Variants in FN3K observed in about 807,000 individuals in gnomAD.
FN3K encodes the protein fructosamine 3 kinase, also known as fructosamine-3-kinase.
In FN3K, 24 loss-of-function variants were observed where a neutral mutation model predicts 24.8. The ratio of observed to expected loss-of-function variants is 0.97; its 90% CI spans 0.70 to 1.36. The LOEUF (loss-of-function observed/expected upper bound fraction) is 1.36. Ranked by LOEUF, FN3K falls within the 40% of genes most tolerant of loss-of-function variation. The pLI, the probability that FN3K is intolerant of heterozygous loss-of-function variation, is 0.00. For synonymous variants in FN3K, 192 were observed against 175.2 expected (o/e 1.10, Z -0.76); for missense variants, 449 against 416.7 (o/e 1.08, Z -0.67).
chr17:82,749,120 CG>C (rs778551687), intron 5 of FN3K, 143 bp downstream of exon 5: 209 of 1,256,926 alleles, frequency 1.7e-4, no homozygotes, highest in African/African-American at 3.4e-4. Context: ...GGGGCAGGGG[CG>C]GGGGTTCCCC....
chr17:82,744,147 G>C (rs548231579), intron 4 of FN3K, among the ~76,000 whole-genome samples: 1 of 152,266 alleles, frequency 6.6e-6, no homozygotes, highest in African/African-American at 2.4e-5. Flanking sequence ...CACAGCACCA[G>C]AGGGTGAGCC....
chr17:82,749,743 A>G (rs534193659), intron 5 of FN3K: 1 of 160,398 alleles, frequency 6.2e-6, no homozygotes, highest in African/African-American at 2.4e-5. Flanking sequence ...GTATACATCA[A>G]AGAGACTTGA....
rs1452649023 is a variant in FN3K at position 82,750,525 on chromosome 17, G to T, written c.700G>T (p.Asp234Tyr). Reference protein sequence around the residue: ...AEDDVGPIIYDPASFYGHSEF... With the variant: ...AEDDVGPIIYYPASFYGHSEF... ...GGACGACGTGGGGCCCATTATTTAC[G>T]ACCCGGCTTCCTTCTATGGCCATTC... Residue 234 changes from aspartate to tyrosine, a missense_variant, in exon 6 of 6, where the codon GAC (aspartate) becomes TAC (tyrosine). Physicochemically the swap from Asp to Tyr is radical, Grantham distance 160 (BLOSUM62 -3). Transcript: ENST00000300784. The T allele has an allele frequency of 1.2e-6, 2 of 1,614,118 alleles. No homozygotes were observed. The highest frequency in any genetic ancestry group is 1.7e-5 in the Admixed American group (1 of 60,018).
At position 82,735,687 on chromosome 17, in the gene FN3K, C is replaced by A. The variant is rs1236329016; in HGVS notation, c.51C>A (p.Phe17Leu). 2 of 1,541,694 alleles carry A rather than the reference C, an allele frequency of 1.3e-6. No individual in the cohort carries two copies. The highest frequency in any genetic ancestry group is 1.7e-6 in the Non-Finnish European group (2 of 1,146,750). The change falls in exon 1 of 6, where the codon TTC becomes TTA. Residue 17 changes from phenylalanine (F) to leucine (L), a missense_variant. Coordinates refer to ENST00000300784, the MANE Select transcript of FN3K (RefSeq NM_022158.4). ...TGCGCACCGCGACCCTGCGGGCCTTCGGCGGCCCCGGCGCCGGCTGCATCA... is the reference window on the plus strand; with the variant it reads ...TGCGCACCGCGACCCTGCGGGCCTTAGGCGGCCCCGGCGCCGGCTGCATCA... Reference protein sequence around the residue: ...AELRTATLRAFGGPGAGCISE... With the variant: ...AELRTATLRALGGPGAGCISE...
intron 1 of FN3K, 83 bp downstream of exon 1, chr17:82,735,860 C>G: frequency 6.8e-7 from 1 of 1,481,074 alleles, no homozygotes; most frequent in Non-Finnish European, 9.1e-7. Flanking sequence ...GGCGCATTTC[C>G]TGGGGCTGGG....
intron 1 of FN3K, 173 bp from the exon 2 acceptor site, chr17:82,738,316 C>T: frequency 1.7e-5 from 13 of 743,684 alleles, no homozygotes; most frequent in Non-Finnish European, 2.8e-5. Context: ...TCGTCTCCGA[C>T]GGGGGGCCCC....
Position 82,741,348 on chromosome 17 carries a change from C to G in FN3K, c.423C>G (p.Asp141Glu). The change falls in exon 4 of 6, where the codon GAC becomes GAG. Residue 141 changes from aspartate (D) to glutamate (E), a missense_variant. By Grantham distance (45) the Asp-to-Glu change is conservative. Transcript: ENST00000300784. ...RGEGAEPQYV[D>E]KFGFHTVTCC... is the part of the protein sequence containing the mutation. The stretch of plus-strand genomic sequence containing the variant: ...AGGGTGCTGAGCCTCAGTATGTGGA[C>G]AAGTTCGGCTTCCACACGGTGACGT... The G allele has an allele frequency of 6.2e-7, 1 of 1,614,008 alleles. No individual in the cohort carries two copies. The highest frequency in any genetic ancestry group is 2.2e-5 in the East Asian group (1 of 44,872).
At chr17:82,748,274 A>G (rs2046979940) in intron 4 of FN3K, among the ~76,000 whole-genome samples, 1 of 151,918 alleles carries the variant, frequency 6.6e-6, no homozygotes, top group Non-Finnish European at 1.5e-5. Flanking sequence ...CAGCCTCCCA[A>G]GTAGCTGGGA....
rs1479940450 is a variant in FN3K, at chr17:82,749,373, C to G, written c.591+396C>G. On this transcript the variant is annotated intron_variant, in intron 5 of 5. Transcript: ENST00000300784. ...TGATCCAGAATGACTGATTTCAAAA[C>G]ATAACTCTCGGCCGGGCACAGTGGT... The G allele has an allele frequency of 8.8e-6, 3 of 341,378 alleles. No individual in the cohort carries two copies. In the Admixed American group the frequency reaches 1.2e-4, roughly 14 times the overall value. 21.1% of individuals were successfully genotyped at this position (341,378 alleles called of 1,614,324 possible). A position where few individuals can be genotyped will look rare whatever the true frequency, so the allele number is the denominator to read the frequency against.
At chr17:82,748,801 A>AG in intron 4 of FN3K, 54 bp from the exon 5 acceptor site, 1 of 1,611,540 alleles carries the variant, frequency 6.2e-7, no homozygotes, top group African/African-American at 1.3e-5. Context: ...TCTAGGGTTT[A>AG]GGCAGCACTT....
chr17:82,738,934 A>ACGTG (rs1568067635), intron 2 of FN3K, among the ~76,000 whole-genome samples: 4 of 98,532 alleles, frequency 4.1e-5, no homozygotes, highest in Non-Finnish European at 6.2e-5. Context: ...ACATATATAT[A>ACGTG]TATATATATA....
intron 5 of FN3K, chr17:82,749,811 T>G (rs1412885670): frequency 6.1e-6 from 1 of 163,038 alleles, no homozygotes; most frequent in Non-Finnish European, 1.3e-5. Context: ...ATCCTAGCAC[T>G]TTGGGAGGCC....
In FN3K at chr17:82,738,946, ATTTTTT is replaced by A. The variant is rs539276396; in HGVS notation, c.293+315_293+320del. ...TACACATATATATATATATATATAT[ATTTTTT>A]TTTTTTTTGAAACACAGTCTCGCTC... On this transcript the variant is annotated intron_variant, in intron 2 of 5. Coordinates refer to ENST00000300784, the MANE Select transcript of FN3K (RefSeq NM_022158.4). 9.3e-5 allele frequency among the ~76,000 whole-genome samples: 8 copies of A among 86,154 alleles called. 2 individuals are homozygous for A. The highest frequency in any genetic ancestry group is 4.1e-4 in the African/African-American group (8 of 19,434). 56.5% of individuals were successfully genotyped at this position (86,154 alleles called of 152,430 possible).
intron 1 of FN3K, 26 bp from the exon 2 acceptor site, chr17:82,738,463 C>G: frequency 6.2e-7 from 1 of 1,611,662 alleles, no homozygotes; most frequent in Non-Finnish European, 8.5e-7. Context: ...GTCAACAAGG[C>G]TGACAAGGCT....
In FN3K at chr17:82,750,762, C is replaced by G. The variant is rs568631853; in HGVS notation, c.*7C>G. On this transcript the variant is annotated 3_prime_UTR_variant, in exon 6 of 6. Transcript: ENST00000300784. Reference sequence around the variant, plus strand: ...GCGAAGGCTGCTCAAGTAGCGGCCCCTGCCCTCCCTTCCCCTGTCCCCGTC... The same window carrying G: ...GCGAAGGCTGCTCAAGTAGCGGCCCGTGCCCTCCCTTCCCCTGTCCCCGTC... The G allele has an allele frequency of 1.2e-6, 2 of 1,607,768 alleles. No individual in the cohort carries two copies. The highest frequency in any genetic ancestry group is 1.3e-5 in the African/African-American group (1 of 74,828).
intron 2 of FN3K, among the ~76,000 whole-genome samples, chr17:82,739,513 A>G (rs1308533680): frequency 6.9e-6 from 1 of 144,970 alleles, no homozygotes; most frequent in Non-Finnish European, 1.5e-5. Flanking sequence ...GCTGGAGTGC[A>G]GTGGCGCGAT....
At chr17:82,737,543 C>T (rs573152425) in intron 1 of FN3K, among the ~76,000 whole-genome samples, 140 of 152,274 alleles carry the variant, frequency 9.2e-4, no homozygotes, top group African/African-American at 3.2e-3. Context: ...AGGATGGTCT[C>T]AATCTCCTGA....
chr17:82,735,675 C>T lies in FN3K; in HGVS notation c.39C>T (p.Thr13=). ...TGCGCGCCGAGCTGCGCACCGCGAC[C>T]CTGCGGGCCTTCGGCGGCCCCGGCG... ...QLLRAELRTA[T]LRAFGGPGAG... Residue 13 remains threonine, a synonymous_variant, in exon 1 of 6, where the codon ACC becomes ACT. Transcript: ENST00000300784. The T allele has an allele frequency of 6.5e-7, 1 of 1,539,996 alleles. No individual in the cohort carries two copies. Among genetic ancestry groups the T allele is most frequent in the Non-Finnish European group, 8.7e-7 (1 of 1,147,006 alleles).
At chr17:82,738,753 G>C (rs2046921640) in intron 2 of FN3K, 113 bp downstream of exon 2, 1 of 1,362,976 alleles carries the variant, frequency 7.3e-7, no homozygotes, top group African/African-American at 1.4e-5. Flanking sequence ...CAGAAACAGG[G>C]AGAAGCCTGT....
Sources: gnomAD v4.1 joint callset for allele counts (sites outside exome capture counted in the v4.1 genomes callset) on GRCh38, gnomAD v4.1.1 for gene constraint, MANE v1.5 for transcripts, NCBI Gene and HGNC (gene_info 2026-07-23, HGNC 2026-07-21) for gene names.